DHX8: variants seen among roughly 807,000 people sequenced by gnomAD.
DHX8 encodes DEAH-box helicase 8, also known as ATP-dependent RNA helicase DHX8.
Under a neutral mutation model 140.7 loss-of-function variants are expected in DHX8, and 67 were observed. The ratio of observed to expected loss-of-function variants is 0.48; its 90% CI spans 0.39 to 0.58. The LOEUF is 0.58. Among genes scored for constraint, DHX8 ranks in the 20% least tolerant of loss-of-function variants. The probability of loss-of-function intolerance (pLI) is 0.00; values close to 1 mark genes in which losing one functional copy is unlikely to be tolerated. For missense variants in DHX8, 887 were observed against 1,550.7 expected, an observed-to-expected ratio of 0.57 and a Z score of 7.19; for synonymous variants, 533 against 553.2, an observed-to-expected ratio of 0.96 and a Z score of 0.51.
intron 16 of DHX8, 119 bp downstream of exon 16, chr17:43,508,639 C>A: frequency 1.6e-6 from 1 of 622,652 alleles, no homozygotes; most frequent in South Asian, 2.3e-5. Flanking sequence ...TTTTTTTCCT[C>A]GAGGCAGAGT....
intron 1 of DHX8, among the ~76,000 whole-genome samples, chr17:43,486,017 C>T (rs1038706412): frequency 4.0e-5 from 6 of 151,678 alleles, no homozygotes; most frequent in South Asian, 2.1e-4. Context: ...GCCAACATGG[C>T]GAAACGCCAT....
At position 43,507,803 on chromosome 17, in the gene DHX8, C is replaced by G. The variant is rs762957316; in HGVS notation, c.2110-6C>G. On this transcript the variant is annotated splice_polypyrimidine_tract_variant and splice_region_variant and intron_variant, in intron 14 of 22. Coordinates refer to ENST00000262415, the MANE Select transcript of DHX8 (RefSeq NM_004941.3). ...TTTCAGTAAGCCACATAATATTTCT[C>G]TTCAGACAGTTCAGAAACGGCAGGA... is the stretch of plus-strand genomic sequence containing the variant. The G allele has an allele frequency of 6.2e-6, 10 of 1,614,046 alleles. No homozygotes were observed. Among genetic ancestry groups the G allele is most frequent in the Non-Finnish European group, 8.5e-6 (10 of 1,180,024 alleles).
downstream of DHX8, chr17:43,530,089 G>T: frequency 1.2e-6 from 2 of 1,606,144 alleles, no homozygotes; most frequent in Non-Finnish European, 1.7e-6. Flanking sequence ...CTTGGCAGGG[G>T]AAGGGGGGCT....
At chr17:43,508,093 A>G in intron 15 of DHX8, 74 bp downstream of exon 15, 3 of 1,404,920 alleles carry the variant, frequency 2.1e-6, no homozygotes, top group East Asian at 2.4e-5. Flanking sequence ...TCATATGGGT[A>G]TCTTTTTTGC....
Position 43,491,641 on chromosome 17 carries a change from C to G in DHX8, c.393+391C>G, listed in dbSNP as rs147540947. On this transcript the variant is annotated intron_variant, in intron 4 of 22. Coordinates refer to ENST00000262415, the MANE Select transcript of DHX8 (RefSeq NM_004941.3). ...TACTTACTGTATGCCAAACACTGTT[C>G]TAAGTACCTGGATAACAGCAGTGAA... 4.0e-3 allele frequency among the ~76,000 whole-genome samples: 605 copies of G among 151,804 alleles called. 7 individuals carry two copies. Among genetic ancestry groups the G allele is most frequent in the African/African-American group, 0.012 (491 of 41,382 alleles).
At chr17:43,495,715 A>C (rs774426527) in intron 8 of DHX8, among the ~76,000 whole-genome samples, 2 of 152,154 alleles carry the variant, frequency 1.3e-5, no homozygotes, top group Non-Finnish European at 2.9e-5. Context: ...CTGGAATGGG[A>C]TATATGACAT....
intron 1 of DHX8, among the ~76,000 whole-genome samples, chr17:43,486,086 G>A (rs1302629220): frequency 7.7e-6 from 1 of 130,668 alleles, no homozygotes. Context: ...TGCTATGCAG[G>A]AGGCTGAGGC....
chr17:43,490,499 A>G (rs776428454), intron 3 of DHX8, 36 bp downstream of exon 3: 1 of 1,549,746 alleles, frequency 6.5e-7, no homozygotes, highest in Admixed American at 1.8e-5. Context: ...AGCTTCTAGA[A>G]TGGTGTAGGT....
chr17:43,533,943 T>TGG (rs1161906206), intron 2 of DHX8: 8 of 1,549,680 alleles, frequency 5.2e-6, no homozygotes, highest in Non-Finnish European at 6.9e-6. Context: ...GCGGGGACTC[T>TGG]GGGGCTCCTT....
At chr17:43,495,191 G>A (rs1057361120) in intron 8 of DHX8, among the ~76,000 whole-genome samples, 2 of 152,164 alleles carry the variant, frequency 1.3e-5, no homozygotes, top group Admixed American at 6.5e-5. Context: ...CTATAAACGC[G>A]AATATATCAT....
At chr17:43,508,624 T>C in intron 16 of DHX8, 104 bp downstream of exon 16, 1 of 708,504 alleles carries the variant, frequency 1.4e-6, no homozygotes, top group South Asian at 2.3e-5. Flanking sequence ...AAGTCTTTTT[T>C]TTTTTTTTTT....
At position 43,532,121 on chromosome 17, in the gene DHX8, C is replaced by T. The variant is rs573053281; in HGVS notation, c.351-4291C>T. On this transcript the variant is annotated intron_variant, in intron 2 of 3. Coordinates refer to the DHX8 transcript ENST00000589898. ...TCAAACGATCCTCCTGCCATGGCCT[C>T]CTAAAGTGCTGGGATTACAGATGAC... is the stretch of plus-strand genomic sequence containing the variant. 7.9e-5 allele frequency among the ~76,000 whole-genome samples: 12 copies of T among 152,332 alleles called. No homozygotes were observed. The South Asian group carries it at 1.9e-3, about 24-fold the overall frequency.
intron 3 of DHX8, chr17:43,536,585 C>T (rs1429632397): frequency 4.3e-6 from 4 of 930,080 alleles, no homozygotes; most frequent in African/African-American, 3.3e-5. Flanking sequence ...AAAGGACCAA[C>T]AGCCTTTAGA....
intron 8 of DHX8, among the ~76,000 whole-genome samples, chr17:43,495,099 C>G (rs1325225779): frequency 2.0e-5 from 3 of 152,064 alleles, no homozygotes; most frequent in African/African-American, 7.2e-5. Flanking sequence ...CAGGCGTGAG[C>G]CACTGTGCCC....
chr17:43,528,240 G>C, downstream of DHX8: 2 of 366,064 alleles, frequency 5.5e-6, no homozygotes, highest in African/African-American at 2.0e-5. Flanking sequence ...AAAAGGTGTG[G>C]GGGGCTTGGA....
intron 5 of DHX8, 80 bp from the exon 6 acceptor site, chr17:43,492,601 G>A: frequency 1.2e-6 from 1 of 812,294 alleles, no homozygotes; most frequent in Non-Finnish European, 2.1e-6. Context: ...CATGTGCATG[G>A]CACTGTACTG....
downstream of DHX8, among the ~76,000 whole-genome samples, chr17:43,527,282 C>G (rs1185905266): frequency 6.6e-6 from 1 of 152,262 alleles, no homozygotes; most frequent in Non-Finnish European, 1.5e-5. Flanking sequence ...AGGGCCTGCT[C>G]TAGCCTCTCT....
At position 43,483,981 on chromosome 17, in the gene DHX8, G is replaced by A. The variant is rs1301514049; in HGVS notation, c.-57G>A. On this transcript the variant is annotated 5_prime_UTR_variant, in exon 1 of 23. Coordinates refer to ENST00000262415, the MANE Select transcript of DHX8 (RefSeq NM_004941.3). Reference sequence around the variant, plus strand: ...ACCCGGAAGTGAAAGCTGGAACCCGGCCGGAGTAGCTCTGAGCGCCGGCTG... The same window carrying A: ...ACCCGGAAGTGAAAGCTGGAACCCGACCGGAGTAGCTCTGAGCGCCGGCTG... 1 of 1,593,294 alleles carries A rather than the reference G, an allele frequency of 6.3e-7. No homozygotes were observed. Among genetic ancestry groups the A allele is most frequent in the African/African-American group, 1.4e-5 (1 of 74,006 alleles).
chr17:43,499,939 T>C lies in DHX8; in HGVS notation c.1399-17T>C. 1 of 1,612,574 alleles carries C rather than the reference T, an allele frequency of 6.2e-7. No homozygotes were observed. The highest frequency in any genetic ancestry group is 8.5e-7 in the Non-Finnish European group (1 of 1,179,440). The stretch of plus-strand genomic sequence containing the variant: ...CCGGACATTTAATCCATGTTGTTTT[T>C]TCTTCTGTTGCACCAGAACCCAGAC... On this transcript the variant is annotated splice_polypyrimidine_tract_variant and intron_variant, in intron 10 of 22. Coordinates refer to ENST00000262415, the MANE Select transcript of DHX8 (RefSeq NM_004941.3).
Sources: gnomAD v4.1 joint callset for allele counts (sites outside exome capture counted in the v4.1 genomes callset) on GRCh38, gnomAD v4.1.1 for gene constraint, MANE v1.5 for transcripts, NCBI Gene and HGNC (gene_info 2026-07-23, HGNC 2026-07-21) for gene names.